THRAP3: variants seen among roughly 807,000 people sequenced by gnomAD.
The protein encoded by THRAP3 is thyroid hormone receptor associated protein 3, also known as thyroid hormone receptor-associated protein 3.
THRAP3 carries 16 observed loss-of-function variants against 101.0 expected under a neutral mutation model. The observed-to-expected ratio is 0.16, with a 90% CI of 0.11 to 0.24. THRAP3 has a LOEUF of 0.24. Among genes scored for constraint, THRAP3 ranks in the 10% least tolerant of loss-of-function variants. The probability of loss-of-function intolerance (pLI) is 1.00; values close to 1 mark genes in which losing one functional copy is unlikely to be tolerated. For synonymous variants in THRAP3, 407 were observed against 422.6 expected (o/e 0.96, Z 0.45); for missense variants, 989 against 1,202.7 (o/e 0.82, Z 2.63).
chr1:36,288,673 T>G, intron 4 of THRAP3: 1 of 985,492 alleles, frequency 1.0e-6, no homozygotes, highest in Non-Finnish European at 1.2e-6. Flanking sequence ...CTATGTTAAC[T>G]TTGCTGAAAG....
chr1:36,263,361 A>G (rs1012776169), intron 2 of THRAP3, among the ~76,000 whole-genome samples: 1 of 152,126 alleles, frequency 6.6e-6, no homozygotes, highest in African/African-American at 2.4e-5. Flanking sequence ...TGGCCTCTCA[A>G]AGTGCTAGGA....
the THRAP3 span, among the ~76,000 whole-genome samples, chr1:36,216,495 C>CAAAA: frequency 7.4e-3 from 420 of 56,388 alleles, 10 homozygotes; most frequent in African/African-American, 0.03. Context: ...GACTCCGTCT[C>CAAAA]AAAAAAAAAA....
intron 2 of THRAP3, among the ~76,000 whole-genome samples, chr1:36,279,022 G>T (rs1395295283): frequency 6.6e-6 from 1 of 152,036 alleles, no homozygotes; most frequent in African/African-American, 2.4e-5. Context: ...AATGGGAGTC[G>T]GGGGGCGTCA....
intron 2 of THRAP3, among the ~76,000 whole-genome samples, chr1:36,273,110 G>T (rs1019244587): frequency 6.6e-6 from 1 of 152,222 alleles, no homozygotes; most frequent in African/African-American, 2.4e-5. Flanking sequence ...ATCAGATGTG[G>T]TCTCTGGTTC....
chr1:36,301,011 A>C lies in THRAP3; in HGVS notation c.2429A>C (p.Asp810Ala), dbSNP rs949774215. 6.2e-7 allele frequency: 1 copy of C among 1,614,072 alleles called. No homozygotes were observed. The highest frequency in any genetic ancestry group is 1.3e-5 in the African/African-American group (1 of 74,934). ...AGAGAGGAGAGCACCACGGGCTTTG[A>C]CAAATCAAGACTGGGGACCAAAGAC... ...EEREESTTGF[D>A]KSRLGTKDFV... Residue 810 changes from aspartate to alanine, a missense_variant, in exon 10 of 12, where the codon GAC becomes GCC. Asp to Ala is a moderately radical substitution (Grantham distance 126). Coordinates refer to ENST00000354618, the MANE Select transcript of THRAP3 (RefSeq NM_005119.4).
intron 8 of THRAP3, chr1:36,294,147 A>C: frequency 1.5e-6 from 2 of 1,328,260 alleles, no homozygotes; most frequent in Non-Finnish European, 1.9e-6. Flanking sequence ...AATGACCCCA[A>C]AGTCTATTGA....
At chr1:36,255,266 G>C (rs1286057271) in intron 1 of THRAP3, among the ~76,000 whole-genome samples, 1 of 152,110 alleles carries the variant, frequency 6.6e-6, no homozygotes, top group Non-Finnish European at 1.5e-5. Context: ...GTGGTTTAAA[G>C]GACTATCTTT....
At chr1:36,291,243 A>T in intron 5 of THRAP3, 131 bp from the exon 6 acceptor site, 2 of 876,548 alleles carry the variant, frequency 2.3e-6, no homozygotes, top group Non-Finnish European at 3.5e-6. Flanking sequence ...ACTGAGGGTT[A>T]CTTTCAACTT....
chr1:36,292,250 G>GTTTTTTTT (rs1645880238), intron 6 of THRAP3, among the ~76,000 whole-genome samples: 2 of 68,688 alleles, frequency 2.9e-5, no homozygotes, highest in African/African-American at 4.5e-5. Context: ...GTAACATAAT[G>GTTTTTTTT]TGTTTCTTTG....
Position 36,304,891 on chromosome 1 carries a change from G to A in THRAP3, c.*874G>A. 4.9e-6 allele frequency: 1 copy of A among 206,048 alleles called. No individual in the cohort carries two copies. Among genetic ancestry groups the A allele is most frequent in the South Asian group, 1.9e-4 (1 of 5,276 alleles). The allele number at this position is 206,048 out of a possible 1,614,324, so 12.8% of individuals were successfully genotyped here. A position where few individuals can be genotyped will look rare whatever the true frequency, so the allele number is the denominator to read the frequency against. ...TGAATTCTATTATCTTTACAAATAT[G>A]AGAAAATTTTTTCAATATTTTTTAT... On this transcript the variant is annotated 3_prime_UTR_variant, in exon 12 of 12. Transcript: ENST00000354618.
In THRAP3 at chr1:36,300,954, A is replaced by G. The variant is rs1646023906; in HGVS notation, c.2372A>G (p.Lys791Arg). 6.2e-7 allele frequency: 1 copy of G among 1,614,082 alleles called. No homozygotes were observed. The highest frequency in any genetic ancestry group is 8.5e-7 in the Non-Finnish European group (1 of 1,180,018). ...TCCTCCCAGTCATCTCACTCCTACA[A>G]AGCAGAAGAGTACACTGAAGAGACA... The part of the protein sequence containing the change: ...SSSSQSSHSY[K>R]AEEYTEETEE... Residue 791 changes from lysine to arginine, a missense_variant, in exon 10 of 12, where the codon AAA (lysine) becomes AGA (arginine). Lys to Arg is a conservative substitution (Grantham distance 26, BLOSUM62 2). Coordinates refer to ENST00000354618, the MANE Select transcript of THRAP3 (RefSeq NM_005119.4).
At chr1:36,243,368 G>A (rs1483127595) in intron 1 of THRAP3, among the ~76,000 whole-genome samples, 1 of 151,664 alleles carries the variant, frequency 6.6e-6, no homozygotes, top group Non-Finnish European at 1.5e-5. Context: ...TTGTGTCCCT[G>A]GGTACTTGAG....
chr1:36,252,848 A>C (rs1047989001), intron 1 of THRAP3, among the ~76,000 whole-genome samples: 1 of 150,094 alleles, frequency 6.7e-6, no homozygotes, highest in African/African-American at 2.4e-5. Context: ...CAGGGGTTGC[A>C]CTGAGCCAAG....
Position 36,282,618 on chromosome 1 carries a change from GCAT to G in THRAP3, c.58_60del (p.Ser20del). The G allele has an allele frequency of 6.2e-7, 1 of 1,613,840 alleles. No homozygotes were observed. Among genetic ancestry groups the G allele is most frequent in the East Asian group, 2.2e-5 (1 of 44,872 alleles). ...ATCTCGCTCTTCTCGCTCAAGATCTGCATCAAGATCTCGTTCTCGTTCATTTTC... is the reference window on the plus strand; with the variant it reads ...ATCTCGCTCTTCTCGCTCAAGATCTGCAAGATCTCGTTCTCGTTCATTTTC... On this transcript the variant is annotated inframe_deletion, in exon 3 of 12. Coordinates refer to ENST00000354618, the MANE Select transcript of THRAP3 (RefSeq NM_005119.4).
chr1:36,221,432 T>C (rs553247328), upstream of THRAP3, among the ~76,000 whole-genome samples: 81 of 149,692 alleles, frequency 5.4e-4, no homozygotes, highest in Non-Finnish European at 8.9e-4. Context: ...AAAGGAAGAG[T>C]AAATGGATGG....
At chr1:36,223,537 C>T (rs1374145167), upstream of THRAP3, among the ~76,000 whole-genome samples, 3 of 152,124 alleles carry the variant, frequency 2.0e-5, no homozygotes, top group African/African-American at 7.2e-5. Context: ...TCACAGATGA[C>T]CTATGAGATG....
At chr1:36,215,608 A>G in the THRAP3 span, among the ~76,000 whole-genome samples, 1 of 152,160 alleles carries the variant, frequency 6.6e-6, no homozygotes, top group Non-Finnish European at 1.5e-5. Context: ...TAAATCGTAC[A>G]TGTTGTAGGC....
chr1:36,254,927 G>A (rs1009364347), intron 1 of THRAP3, among the ~76,000 whole-genome samples: 2 of 152,272 alleles, frequency 1.3e-5, no homozygotes, highest in South Asian at 4.1e-4. Flanking sequence ...ATTTGGAAGT[G>A]ATCTGTTTTC....
At chr1:36,237,814 G>T (rs537702027) in intron 1 of THRAP3, among the ~76,000 whole-genome samples, 4 of 151,712 alleles carry the variant, frequency 2.6e-5, no homozygotes, top group South Asian at 2.1e-4. Context: ...TAGGAAATAG[G>T]TTTTTTTTGT....
Sources: gnomAD v4.1 joint callset for allele counts (sites outside exome capture counted in the v4.1 genomes callset) on GRCh38, gnomAD v4.1.1 for gene constraint, MANE v1.5 for transcripts, NCBI Gene and HGNC (gene_info 2026-07-23, HGNC 2026-07-21) for gene names.